PRSS23: variants seen among roughly 807,000 people sequenced by gnomAD.
PRSS23 encodes protease, serine 23.
PRSS23 carries 25 observed loss-of-function variants against 34.7 expected under a neutral mutation model. The ratio of observed to expected loss-of-function variants is 0.72; its 90% CI spans 0.53 to 1.01. The LOEUF is 1.01. Ranked by LOEUF, PRSS23 falls within the 50% of genes least tolerant of loss-of-function variation. The probability of loss-of-function intolerance (pLI) is 0.00; values close to 1 mark genes in which losing one functional copy is unlikely to be tolerated. For synonymous variants in PRSS23, 176 were observed against 186.6 expected, an observed-to-expected ratio of 0.94 and a Z score of 0.46; for missense variants, 445 against 475.6, an observed-to-expected ratio of 0.94 and a Z score of 0.60.
intron 1 of PRSS23, chr11:86,823,209 T>C (rs573819336): frequency 2.0e-5 from 12 of 603,340 alleles, no homozygotes; most frequent in Middle Eastern, 4.4e-4. Context: ...AGTTCCTATT[T>C]CTTTTACTTT....
chr11:86,810,462 G>C lies in PRSS23; in HGVS notation c.*1667G>C, dbSNP rs902690654. The C allele has an allele frequency of 6.0e-6, 1 of 167,052 alleles. No homozygotes were observed. Among genetic ancestry groups the C allele is most frequent in the Non-Finnish European group, 1.5e-5 (1 of 68,118 alleles). The allele number at this position is 167,052 out of a possible 1,614,324, so 10.3% of individuals were successfully genotyped here. On this transcript the variant is annotated 3_prime_UTR_variant, in exon 2 of 2. Coordinates refer to ENST00000280258, the MANE Select transcript of PRSS23 (RefSeq NM_007173.6). ...TATGAGAAATACTATGCATAGCAAG[G>C]AGATGCAGAGCCGCCAGGAAAATTC... is the stretch of plus-strand genomic sequence containing the variant.
intron 2 of PRSS23, chr11:86,946,198 G>C (rs1949240920): frequency 1.3e-5 from 2 of 152,120 alleles, no homozygotes; most frequent in African/African-American, 4.8e-5. Context: ...GCCAAGTCAG[G>C]GCCCCAGCCT....
chr11:86,842,650 A>T (rs1277883316), intron 2 of PRSS23, among the ~76,000 whole-genome samples: 1 of 152,156 alleles, frequency 6.6e-6, no homozygotes, highest in Non-Finnish European at 1.5e-5. Context: ...GAGCTAAATC[A>T]TAAGTGAACT....
rs1205142936 is a variant in PRSS23, at chr11:86,930,049, TTATAC to T, written c.207-21157_207-21153del. On this transcript the variant is annotated intron_variant, in intron 2 of 2. Coordinates refer to the PRSS23 transcript ENST00000533902. ...TTTGCTAATATATACAAATATAGTA[TTATAC>T]TATACTATAATAGTATTAGTTATAG... 1.3e-4 allele frequency among the ~76,000 whole-genome samples: 20 copies of T among 152,164 alleles called. No homozygotes were observed. The East Asian group carries it at 3.1e-3, about 23-fold the overall frequency.
chr11:86,856,712 T>C (rs897398268), intron 2 of PRSS23, among the ~76,000 whole-genome samples: 2 of 152,190 alleles, frequency 1.3e-5, no homozygotes, highest in Non-Finnish European at 2.9e-5. Flanking sequence ...GCACATTGTT[T>C]CCATAAAGTC....
intron 2 of PRSS23, among the ~76,000 whole-genome samples, chr11:86,826,699 T>A (rs1325867701): frequency 6.6e-6 from 1 of 152,240 alleles, no homozygotes; most frequent in Non-Finnish European, 1.5e-5. Flanking sequence ...GTTTTTAGCA[T>A]GAAGCATTGT....
intron 2 of PRSS23, among the ~76,000 whole-genome samples, chr11:86,881,827 G>C (rs1466074681): frequency 2.6e-5 from 4 of 152,110 alleles, no homozygotes; most frequent in African/African-American, 9.7e-5. Context: ...ATTCATTAGT[G>C]TGTGTCTTTC....
At chr11:86,901,067 G>A (rs961275656) in intron 2 of PRSS23, among the ~76,000 whole-genome samples, 1 of 152,030 alleles carries the variant, frequency 6.6e-6, no homozygotes, top group African/African-American at 2.4e-5. Context: ...TTACAGGCAT[G>A]AGCAACCATA....
rs565778009 is a variant in PRSS23, at chr11:86,887,676, C to T, written c.207-63540C>T. ...CGTGCACCTACGTTATTTCTGTCTTCGAGGAGCTCATAGTCCGGTGTACTG... is the reference window on the plus strand; with the variant it reads ...CGTGCACCTACGTTATTTCTGTCTTTGAGGAGCTCATAGTCCGGTGTACTG... On this transcript the variant is annotated intron_variant, in intron 2 of 2. Coordinates refer to the PRSS23 transcript ENST00000533902. 9.9e-5 allele frequency among the ~76,000 whole-genome samples: 15 copies of T among 152,212 alleles called. 1 individual carries two copies. Among genetic ancestry groups the T allele is most frequent in the African/African-American group, 2.6e-4 (11 of 41,542 alleles).
chr11:86,808,154 C>A lies in PRSS23; in HGVS notation c.511C>A (p.Leu171Ile). Residue 171 changes from leucine to isoleucine, a missense_variant, in exon 2 of 2, where the codon CTC (leucine) becomes ATC (isoleucine). Leu to Ile is a conservative substitution (Grantham distance 5). Transcript: ENST00000280258. Reference sequence around the variant, plus strand: ...CACCCTGGTGGCAGAGAAGCATGTCCTCACAGCTGCCCACTGCATACACGA... The same window carrying A: ...CACCCTGGTGGCAGAGAAGCATGTCATCACAGCTGCCCACTGCATACACGA... ...TGTLVAEKHV[L>I]TAAHCIHDGK... The A allele has an allele frequency of 6.2e-7, 1 of 1,614,210 alleles. No homozygotes were observed. The highest frequency in any genetic ancestry group is 8.5e-7 in the Non-Finnish European group (1 of 1,180,048).
At chr11:86,906,162 C>G (rs569625644) in intron 2 of PRSS23, among the ~76,000 whole-genome samples, 1 of 151,262 alleles carries the variant, frequency 6.6e-6, no homozygotes, top group Non-Finnish European at 1.5e-5. Flanking sequence ...GGCCGGGGGG[C>G]GGGGGCAAGA....
chr11:86,878,706 G>A (rs1376188561), intron 2 of PRSS23, among the ~76,000 whole-genome samples: 1 of 151,944 alleles, frequency 6.6e-6, no homozygotes, highest in Admixed American at 6.5e-5. Flanking sequence ...AGTGAGGAGC[G>A]TCTCTGCCTG....
In PRSS23 at chr11:86,808,624, ACAG is replaced by A. The variant is rs774247508; in HGVS notation, c.988_990del (p.Gln330del). 6.2e-7 allele frequency: 1 copy of A among 1,614,190 alleles called. No homozygotes were observed. The highest frequency in any genetic ancestry group is 8.5e-7 in the Non-Finnish European group (1 of 1,180,040). On this transcript the variant is annotated inframe_deletion, in exon 2 of 2. Transcript: ENST00000280258. ...GGGTCTATGTGAGGATGTGGAAGAG[ACAG>A]CAGCAGAAGTGGGAGCGAAAAATTA...
chr11:86,822,806 A>G (rs1948263087), intron 1 of PRSS23, among the ~76,000 whole-genome samples: 1 of 152,094 alleles, frequency 6.6e-6, no homozygotes, highest in Non-Finnish European at 1.5e-5. Flanking sequence ...TTTGTAGAGA[A>G]TTTGAGACCT....
At chr11:86,822,593 C>T (rs1294326381) in intron 1 of PRSS23, among the ~76,000 whole-genome samples, 1 of 149,832 alleles carries the variant, frequency 6.7e-6, no homozygotes, top group African/African-American at 2.5e-5. Context: ...TGCACTTCAG[C>T]CTGGGCGACA....
At chr11:86,887,569 A>C (rs1432998806) in intron 2 of PRSS23, among the ~76,000 whole-genome samples, 1 of 152,220 alleles carries the variant, frequency 6.6e-6, no homozygotes, top group African/African-American at 2.4e-5. Context: ...CACTTTAAAA[A>C]GTCAAATAGT....
intron 2 of PRSS23, chr11:86,858,083 G>A (rs1012694293): frequency 3.4e-5 from 7 of 204,612 alleles, no homozygotes; most frequent in South Asian, 8.9e-5. Context: ...ATCTGGGGGA[G>A]AGAGGATATT....
chr11:86,839,101 C>T (rs991068406), intron 2 of PRSS23, among the ~76,000 whole-genome samples: 5 of 151,110 alleles, frequency 3.3e-5, no homozygotes, highest in Non-Finnish European at 5.9e-5. Flanking sequence ...CAAAGGATTG[C>T]AGCTCCTCGC....
intron 1 of PRSS23, among the ~76,000 whole-genome samples, chr11:86,793,633 T>TA (rs1947964677): frequency 6.6e-6 from 1 of 152,106 alleles, no homozygotes; most frequent in Non-Finnish European, 1.5e-5. Context: ...GCCCCAGTGG[T>TA]AAAATTTCAT....
Sources: allele counts gnomAD v4.1 joint callset (sites outside exome capture counted in the v4.1 genomes callset), GRCh38; gene constraint gnomAD v4.1.1; transcripts MANE v1.5; gene names NCBI Gene and HGNC (gene_info 2026-07-23, HGNC 2026-07-21).